SLC45A4: variants seen among roughly 807,000 people sequenced by gnomAD.
SLC45A4 encodes the protein solute carrier family 45 member 4.
Under a neutral mutation model 63.7 loss-of-function variants are expected in SLC45A4, and 32 were observed. The ratio of observed to expected loss-of-function variants is 0.50; its 90% CI spans 0.38 to 0.67. The LOEUF (loss-of-function observed/expected upper bound fraction) is 0.67. SLC45A4 is among the 30% of genes least tolerant of loss of function. The pLI, the probability that SLC45A4 is intolerant of heterozygous loss-of-function variation, is 0.00. For synonymous variants in SLC45A4, 535 were observed against 510.0 expected (o/e 1.05, Z -0.66); for missense variants, 1,027 against 1,157.7 (o/e 0.89, Z 1.64).
rs551917161 is a variant in SLC45A4, at chr8:141,253,041, C to CT, written c.241+947dup. On this transcript the variant is annotated intron_variant, in intron 2 of 8. Transcript: ENST00000517878. Reference sequence around the variant, plus strand: ...TCCGTGTTTTCACACCCACCTGTGTCTGTGAATTTCCGTGTTTTCACGCCC... The same window carrying CT: ...TCCGTGTTTTCACACCCACCTGTGTCTTGTGAATTTCCGTGTTTTCACGCCC... 4.2e-4 allele frequency: 68 copies of CT among 162,526 alleles called. 1 individual carries two copies. Among genetic ancestry groups the CT allele is most frequent in the African/African-American group, 1.5e-3 (58 of 38,998 alleles). 10.1% of individuals were successfully genotyped at this position (162,526 alleles called of 1,614,324 possible).
chr8:141,290,375 G>A (rs889485906), intron 1 of SLC45A4, among the ~76,000 whole-genome samples: 1 of 152,054 alleles, frequency 6.6e-6, no homozygotes, highest in South Asian at 2.1e-4. Context: ...AATTCCACCC[G>A]CCACTCCAAC....
chr8:141,270,918 C>A (rs1036142421), intron 1 of SLC45A4, among the ~76,000 whole-genome samples: 1 of 152,120 alleles, frequency 6.6e-6, no homozygotes, highest in African/African-American at 2.4e-5. Flanking sequence ...CGGCAAGATC[C>A]CTGACCCCAG....
At chr8:141,221,351 C>G (rs1826616232) in intron 3 of SLC45A4, among the ~76,000 whole-genome samples, 1 of 152,294 alleles carries the variant, frequency 6.6e-6, no homozygotes, top group South Asian at 2.1e-4. Flanking sequence ...CAAACCATCA[C>G]AACAGGAAGC....
intron 1 of SLC45A4, among the ~76,000 whole-genome samples, chr8:141,281,510 T>TA (rs1829945226): frequency 6.6e-6 from 1 of 152,234 alleles, no homozygotes. Context: ...GAGCGGTTGC[T>TA]AATGGCCTTA....
chr8:141,212,803 G>A (rs1825919921), intron 7 of SLC45A4, among the ~76,000 whole-genome samples: 2 of 152,170 alleles, frequency 1.3e-5, no homozygotes, highest in African/African-American at 4.8e-5. Context: ...CAATCCAGTC[G>A]GGACGTGGGC....
In SLC45A4 at chr8:141,211,232, T is replaced by G; in HGVS notation, c.*340A>C. ...GAGACGAATCAAAGTGCAGTGAAAG[T>G]CAACGTTTCCTTCCCCCTGACGTTG... On this transcript the variant is annotated 3_prime_UTR_variant, in exon 9 of 9. Transcript: ENST00000517878. The G allele has an allele frequency of 2.3e-6, 1 of 440,506 alleles. No homozygotes were observed. Among genetic ancestry groups the G allele is most frequent in the Non-Finnish European group, 4.0e-6 (1 of 250,434 alleles). The allele number at this position is 440,506 out of a possible 1,614,324, so 27.3% of individuals were successfully genotyped here.
intron 1 of SLC45A4, among the ~76,000 whole-genome samples, chr8:141,276,375 G>A (rs530652411): frequency 2.6e-5 from 4 of 152,278 alleles, no homozygotes; most frequent in East Asian, 1.9e-4. Context: ...TTTGCGATGC[G>A]AGCAGCTCCT....
chr8:141,306,664 C>G (rs1360671004), intron 1 of SLC45A4, among the ~76,000 whole-genome samples: 1 of 152,186 alleles, frequency 6.6e-6, no homozygotes, highest in East Asian at 1.9e-4. Context: ...TTCCTAAAGC[C>G]AGCACAAAAT....
Position 141,211,644 on chromosome 8 carries a change from C to T in SLC45A4, c.2355G>A (p.Gln785=), listed in dbSNP as rs1440096610. ...CQISSHWLVP[Q]LLESIFLYDY... ...CATAAAGAAAAATACTCTCCAACAG[C>T]TGCGGCACCAGCCAATGTGACGAGA... is the stretch of plus-strand genomic sequence containing the variant. Residue 785 remains glutamine (Q), a synonymous_variant, in exon 9 of 9, where the codon CAG becomes CAA. Coordinates refer to ENST00000517878, the MANE Select transcript of SLC45A4 (RefSeq NM_001286646.2). The T allele has an allele frequency of 6.2e-7, 1 of 1,610,286 alleles. No homozygotes were observed. Among genetic ancestry groups the T allele is most frequent in the Non-Finnish European group, 8.5e-7 (1 of 1,178,392 alleles).
chr8:141,230,218 A>T (rs1413082245), intron 2 of SLC45A4: 2 of 438,366 alleles, frequency 4.6e-6, no homozygotes, highest in East Asian at 1.4e-4. Context: ...ACCGACTCAA[A>T]TAAGACCCAC....
intron 2 of SLC45A4, among the ~76,000 whole-genome samples, chr8:141,232,572 G>A (rs186537708): frequency 3.9e-5 from 6 of 152,128 alleles, no homozygotes; most frequent in African/African-American, 1.4e-4. Context: ...CACACTCAAC[G>A]GCTCCCAGGT....
intron 2 of SLC45A4, among the ~76,000 whole-genome samples, chr8:141,235,437 G>A (rs1266685120): frequency 1.3e-5 from 2 of 152,222 alleles, no homozygotes; most frequent in Non-Finnish European, 2.9e-5. Context: ...TCACGGTGAC[G>A]AGGAGGACGT....
chr8:141,306,813 G>C (rs1437667275), intron 1 of SLC45A4, among the ~76,000 whole-genome samples: 2 of 152,198 alleles, frequency 1.3e-5, no homozygotes, highest in East Asian at 3.8e-4. Context: ...GCAGAAATGG[G>C]CTTCGATTCA....
At chr8:141,290,305 G>A (rs1563677625) in intron 1 of SLC45A4, among the ~76,000 whole-genome samples, 1 of 152,032 alleles carries the variant, frequency 6.6e-6, no homozygotes, top group Non-Finnish European at 1.5e-5. Context: ...CCGGCAGAAA[G>A]GCCCCAAGTG....
chr8:141,287,921 C>T (rs900168970), intron 1 of SLC45A4, among the ~76,000 whole-genome samples: 8 of 152,316 alleles, frequency 5.3e-5, no homozygotes, highest in African/African-American at 9.6e-5. Context: ...AGCTCCATCT[C>T]GTACCCTCTT....
chr8:141,232,453 G>A (rs1165254110), intron 2 of SLC45A4, among the ~76,000 whole-genome samples: 1 of 152,230 alleles, frequency 6.6e-6, no homozygotes, highest in Non-Finnish European at 1.5e-5. Context: ...CCCAAGCATG[G>A]AACAATCACG....
intron 1 of SLC45A4, among the ~76,000 whole-genome samples, chr8:141,279,888 A>G (rs1432223318): frequency 1.3e-5 from 2 of 152,238 alleles, no homozygotes; most frequent in African/African-American, 4.8e-5. Flanking sequence ...CCCCCCAAAC[A>G]CTCAGCAATC....
In SLC45A4 at chr8:141,212,530, G is replaced by C. The variant is rs776499015; in HGVS notation, c.1968C>G (p.Ser656=). The change falls in exon 8 of 9, where the codon TCC becomes TCG. Residue 656 remains serine (S), a synonymous_variant. Transcript: ENST00000517878. ...CACAATCTATGCCAAACCCTCGCTT[G>C]GAGTTCCCGGGGCTGTGGTGGATGT... ...KQYIHHSPGN[S]KRGFGIDCAI... 1.4e-5 allele frequency: 23 copies of C among 1,608,912 alleles called. No homozygotes were observed. In the Admixed American group the frequency reaches 3.5e-4, roughly 25 times the overall value.
At chr8:141,240,247 C>G (rs964619457) in intron 2 of SLC45A4, among the ~76,000 whole-genome samples, 1 of 152,228 alleles carries the variant, frequency 6.6e-6, no homozygotes, top group Non-Finnish European at 1.5e-5. Context: ...CGATCTTCGT[C>G]GAGTGGAGAG....
Sources: allele counts gnomAD v4.1 joint callset (sites outside exome capture counted in the v4.1 genomes callset), GRCh38; gene constraint gnomAD v4.1.1; transcripts MANE v1.5; gene names NCBI Gene and HGNC (gene_info 2026-07-23, HGNC 2026-07-21).